The following SLC35F4 variants were observed in gnomAD, a reference collection of about 807,000 sequenced individuals.
The protein encoded by SLC35F4 is chromosome 14 open reading frame 36.
SLC35F4 carries 24 observed loss-of-function variants against 44.2 expected under a neutral mutation model. The ratio of observed to expected loss-of-function variants is 0.54; its 90% CI spans 0.39 to 0.76. The LOEUF is 0.76. Ranked by LOEUF, SLC35F4 falls within the 30% of genes least tolerant of loss-of-function variation. The pLI is 0.00. For synonymous variants in SLC35F4, 238 were observed against 223.6 expected, an observed-to-expected ratio of 1.06 and a Z score of -0.57; for missense variants, 562 against 586.1, an observed-to-expected ratio of 0.96 and a Z score of 0.42.
chr14:57,947,215 C>A (rs1027272368), intron 1 of SLC35F4, among the ~76,000 whole-genome samples: 3 of 147,298 alleles, frequency 2.0e-5, no homozygotes, highest in Non-Finnish European at 4.5e-5. Flanking sequence ...TAGGTATATT[C>A]GTAAGTTTTT....
At chr14:57,756,838 T>G (rs2140596169) in intron 1 of SLC35F4, among the ~76,000 whole-genome samples, 1 of 151,916 alleles carries the variant, frequency 6.6e-6, no homozygotes, top group Middle Eastern at 3.4e-3. Context: ...TTTTTTTAAT[T>G]TTTTGTAGAG....
intron 1 of SLC35F4, among the ~76,000 whole-genome samples, chr14:57,746,702 G>A (rs1002398377): frequency 6.6e-5 from 10 of 152,256 alleles, no homozygotes; most frequent in African/African-American, 2.4e-4. Flanking sequence ...TGTATTTGTG[G>A]TATGTGTGTG....
chr14:57,684,186 A>AG (rs2074997672), intron 1 of SLC35F4, among the ~76,000 whole-genome samples: 1 of 152,046 alleles, frequency 6.6e-6, no homozygotes, highest in African/African-American at 2.4e-5. Flanking sequence ...TGAATGGGGT[A>AG]GGGGATGATA....
At chr14:57,919,736 G>A (rs1410115975) in intron 1 of SLC35F4, among the ~76,000 whole-genome samples, 1 of 152,186 alleles carries the variant, frequency 6.6e-6, no homozygotes, top group African/African-American at 2.4e-5. Flanking sequence ...GTGCAGAGAA[G>A]GCCAATGGGA....
intron 3 of SLC35F4, 117 bp downstream of exon 3, chr14:57,589,099 A>C: frequency 9.0e-7 from 1 of 1,112,340 alleles, no homozygotes; most frequent in Non-Finnish European, 1.3e-6. Context: ...CCAACCTTAG[A>C]TCTTGTTTCT....
intron 3 of SLC35F4, among the ~76,000 whole-genome samples, chr14:57,585,605 C>A (rs1300055003): frequency 6.6e-6 from 1 of 152,154 alleles, no homozygotes; most frequent in African/African-American, 2.4e-5. Flanking sequence ...ACCGCCTCAG[C>A]CTAAAATCTC....
At chr14:57,815,770 C>T (rs533634213) in intron 1 of SLC35F4, among the ~76,000 whole-genome samples, 3 of 152,078 alleles carry the variant, frequency 2.0e-5, no homozygotes, top group African/African-American at 4.8e-5. Flanking sequence ...CTTGACTAGC[C>T]GAGAAGACCA....
intron 1 of SLC35F4, among the ~76,000 whole-genome samples, chr14:57,786,650 G>C (rs1595060932): frequency 6.6e-6 from 1 of 152,176 alleles, no homozygotes; most frequent in Non-Finnish European, 1.5e-5. Flanking sequence ...TGAGTGGCTA[G>C]ACCCAGAAGA....
intron 1 of SLC35F4, among the ~76,000 whole-genome samples, chr14:57,810,824 G>A (rs1881880747): frequency 6.6e-6 from 1 of 152,180 alleles, no homozygotes; most frequent in Non-Finnish European, 1.5e-5. Context: ...GAGTGAAAGT[G>A]ACCATTCAGA....
At chr14:57,891,719 T>C (rs1412196682) in intron 1 of SLC35F4, among the ~76,000 whole-genome samples, 1 of 151,820 alleles carries the variant, frequency 6.6e-6, no homozygotes, top group Non-Finnish European at 1.5e-5. Context: ...GTACTAAAAA[T>C]ACAAAAATTA....
rs141261592 is a variant in SLC35F4 at position 57,824,855 on chromosome 14, T to C, written c.103+40868A>G. 6.2e-4 allele frequency among the ~76,000 whole-genome samples: 95 copies of C among 152,192 alleles called. No homozygotes were observed. In the East Asian group the frequency reaches 0.014, roughly 22 times the overall value. Reference sequence around the variant, plus strand: ...TATTGTAAGGATTATGGATTTTACATTGAGTGGAAGAGAAAGCTATCGGAG... The same window carrying C: ...TATTGTAAGGATTATGGATTTTACACTGAGTGGAAGAGAAAGCTATCGGAG... On this transcript the variant is annotated intron_variant, in intron 1 of 7. Coordinates refer to ENST00000556826, the MANE Select transcript of SLC35F4 (RefSeq NM_001306087.2).
intron 1 of SLC35F4, among the ~76,000 whole-genome samples, chr14:57,684,621 G>A (rs765300721): frequency 3.7e-4 from 56 of 152,320 alleles, no homozygotes; most frequent in Non-Finnish European, 6.5e-4. Flanking sequence ...GTGCAGCCAG[G>A]AGGTTGGGGA....
chr14:57,682,576 A>G (rs1255230874), intron 1 of SLC35F4, among the ~76,000 whole-genome samples: 1 of 151,994 alleles, frequency 6.6e-6, no homozygotes. Context: ...ACCATGGCAC[A>G]TGTACACCTA....
intron 1 of SLC35F4, among the ~76,000 whole-genome samples, chr14:57,858,931 T>G (rs1347474099): frequency 7.2e-6 from 1 of 139,216 alleles, no homozygotes; most frequent in African/African-American, 2.8e-5. Context: ...AAACCTGATC[T>G]CTAAAAAAAA....
At chr14:57,623,446 TG>T (rs1395635256) in intron 1 of SLC35F4, among the ~76,000 whole-genome samples, 4 of 152,214 alleles carry the variant, frequency 2.6e-5, no homozygotes, top group South Asian at 2.1e-4. Flanking sequence ...AACTCAGCTC[TG>T]GACCAAGCGG....
At chr14:57,614,679 C>G (rs2071706067) in intron 1 of SLC35F4, among the ~76,000 whole-genome samples, 2 of 152,186 alleles carry the variant, frequency 1.3e-5, no homozygotes, top group Non-Finnish European at 2.9e-5. Context: ...AAGGGCCCAG[C>G]TGTCACAGTA....
intron 1 of SLC35F4, among the ~76,000 whole-genome samples, chr14:57,670,316 G>C (rs1163809982): frequency 2.6e-5 from 4 of 151,922 alleles, no homozygotes; most frequent in East Asian, 1.9e-4. Context: ...AGGGTTTTTT[G>C]TGTCTCTATT....
intron 1 of SLC35F4, among the ~76,000 whole-genome samples, chr14:57,889,942 T>C (rs1050361528): frequency 3.9e-5 from 6 of 152,172 alleles, no homozygotes; most frequent in Non-Finnish European, 8.8e-5. Context: ...TAAGTTTTTA[T>C]CTGCCCTTGT....
intron 4 of SLC35F4, chr14:57,578,900 C>T (rs1020075392): frequency 6.6e-6 from 1 of 152,388 alleles, no homozygotes; most frequent in Non-Finnish European, 1.5e-5. Flanking sequence ...CTTAAAACAA[C>T]AGAAATTTAT....
Sources: allele counts gnomAD v4.1 joint callset (sites outside exome capture counted in the v4.1 genomes callset), GRCh38; gene constraint gnomAD v4.1.1; transcripts MANE v1.5; gene names NCBI Gene and HGNC (gene_info 2026-07-23, HGNC 2026-07-21).